Variants in KCNT2 observed in about 807,000 individuals in gnomAD.
KCNT2 encodes potassium channel subfamily T member 2.
In KCNT2, 67 loss-of-function variants were observed where a neutral mutation model predicts 153.8. The observed-to-expected ratio is 0.44, with a 90% CI of 0.36 to 0.53. The LOEUF (loss-of-function observed/expected upper bound fraction) is 0.53, where lower values mean the gene tolerates loss of function less well. KCNT2 is among the 20% of genes least tolerant of loss of function. The pLI is 0.00. For missense variants in KCNT2, 975 were observed against 1,354.8 expected (o/e 0.72, Z 4.40); for synonymous variants, 500 against 458.8 (o/e 1.09, Z -1.15).
intron 1 of KCNT2, among the ~76,000 whole-genome samples, chr1:196,512,024 A>T (rs1681675826): frequency 6.6e-6 from 1 of 152,146 alleles, no homozygotes; most frequent in Admixed American, 6.6e-5. Flanking sequence ...CTCTCCACCT[A>T]ATCAGCAATT....
In KCNT2 at chr1:196,357,555, T is replaced by C. The variant is rs544008388; in HGVS notation, c.1404-15327A>G. Among the ~76,000 whole-genome samples, 3 of 152,052 alleles carry C rather than the reference T, an allele frequency of 2.0e-5. No homozygotes were observed. In the South Asian group the frequency reaches 6.2e-4, roughly 32 times the overall value. On this transcript the variant is annotated intron_variant, in intron 14 of 27. Coordinates refer to ENST00000294725, the MANE Select transcript of KCNT2 (RefSeq NM_198503.5). ...GGTAAATTTTAGGAATCATTGGTTC[T>C]AGCTGTGGTGCAGACATGTGGCCTG...
At chr1:196,268,284 C>T (rs1417478794) in intron 25 of KCNT2, among the ~76,000 whole-genome samples, 1 of 152,144 alleles carries the variant, frequency 6.6e-6, no homozygotes, top group African/African-American at 2.4e-5. Flanking sequence ...ATCAAGGTCA[C>T]ACATGTCTTT....
At chr1:196,566,627 A>C (rs796337853) in intron 1 of KCNT2, among the ~76,000 whole-genome samples, 4 of 152,072 alleles carry the variant, frequency 2.6e-5, no homozygotes, top group Non-Finnish European at 5.9e-5. Context: ...TATGAAAACT[A>C]AATGGAAGTT....
intron 14 of KCNT2, among the ~76,000 whole-genome samples, chr1:196,354,106 TA>T (rs1200390046): frequency 6.6e-6 from 1 of 151,894 alleles, no homozygotes; most frequent in Non-Finnish European, 1.5e-5. Context: ...AAGTAGAATT[TA>T]TTTTTTTTAA....
chr1:196,598,453 A>T (rs547383094), intron 1 of KCNT2, among the ~76,000 whole-genome samples: 1 of 152,308 alleles, frequency 6.6e-6, no homozygotes, highest in African/African-American at 2.4e-5. Context: ...ACCATGCTCT[A>T]CATCTAGAGG....
At chr1:196,275,142 C>T (rs148336674) in intron 25 of KCNT2, among the ~76,000 whole-genome samples, 1 of 151,786 alleles carries the variant, frequency 6.6e-6, no homozygotes, top group East Asian at 1.9e-4. Context: ...ACATTTTATA[C>T]TTTTATATTA....
intron 2 of KCNT2, among the ~76,000 whole-genome samples, chr1:196,491,616 C>T (rs1376007182): frequency 6.6e-6 from 1 of 151,994 alleles, no homozygotes; most frequent in Non-Finnish European, 1.5e-5. Context: ...CAACAAGCAT[C>T]AGCGGCACTC....
chr1:196,462,216 C>A (rs548229736), intron 8 of KCNT2, among the ~76,000 whole-genome samples: 1 of 151,548 alleles, frequency 6.6e-6, no homozygotes, highest in African/African-American at 2.4e-5. Context: ...ATTTACCATG[C>A]CCCTGGTTTT....
At chr1:196,552,084 TC>T (rs1277283198) in intron 1 of KCNT2, among the ~76,000 whole-genome samples, 1 of 151,492 alleles carries the variant, frequency 6.6e-6, no homozygotes, top group Non-Finnish European at 1.5e-5. Flanking sequence ...TTCTCTTCTT[TC>T]AAGTCATCAC....
chr1:196,589,611 C>T (rs1311823450), intron 1 of KCNT2, among the ~76,000 whole-genome samples: 1 of 151,972 alleles, frequency 6.6e-6, no homozygotes, highest in Non-Finnish European at 1.5e-5. Flanking sequence ...TGAATTTCTC[C>T]CTTTCTTATA....
At chr1:196,595,609 C>A (rs1410754678) in intron 1 of KCNT2, among the ~76,000 whole-genome samples, 1 of 152,138 alleles carries the variant, frequency 6.6e-6, no homozygotes, top group Non-Finnish European at 1.5e-5. Context: ...CTTATAATAA[C>A]TAGTACAATG....
intron 1 of KCNT2, among the ~76,000 whole-genome samples, chr1:196,513,323 T>G (rs547193376): frequency 2.4e-4 from 37 of 152,320 alleles, no homozygotes; most frequent in South Asian, 6.2e-4. Flanking sequence ...CATCCAAAGT[T>G]GACAACTATC....
At chr1:196,329,950 CATATATATATATATAT>C (rs71154737) in intron 18 of KCNT2, among the ~76,000 whole-genome samples, 1 of 73,538 alleles carries the variant, frequency 1.4e-5, no homozygotes, top group Non-Finnish European at 2.5e-5. Context: ...TTCCTCAAGA[CATATATATATATATAT>C]ATATATATAT....
chr1:196,416,120 A>G (rs1672734716), intron 12 of KCNT2, among the ~76,000 whole-genome samples: 1 of 151,954 alleles, frequency 6.6e-6, no homozygotes. Flanking sequence ...TTCACACTAT[A>G]TATGCTTCCC....
intron 12 of KCNT2, among the ~76,000 whole-genome samples, chr1:196,419,736 G>A (rs1252398676): frequency 6.6e-6 from 1 of 151,972 alleles, no homozygotes; most frequent in African/African-American, 2.4e-5. Context: ...CATTACTGAT[G>A]AGACATCTGA....
chr1:196,358,248 A>T (rs541731150), intron 14 of KCNT2, among the ~76,000 whole-genome samples: 24 of 151,072 alleles, frequency 1.6e-4, no homozygotes, highest in Non-Finnish European at 2.5e-4. Context: ...TTTTTTTTTT[A>T]AATTTCAGCA....
At chr1:196,457,368 A>T (rs1043417711) in intron 8 of KCNT2, among the ~76,000 whole-genome samples, 1 of 151,864 alleles carries the variant, frequency 6.6e-6, no homozygotes, top group Admixed American at 6.6e-5. Context: ...CATATTATGG[A>T]TAGTAAACTG....
At chr1:196,491,474 C>T (rs748238380) in intron 2 of KCNT2, among the ~76,000 whole-genome samples, 2 of 151,978 alleles carry the variant, frequency 1.3e-5, no homozygotes, top group Non-Finnish European at 2.9e-5. Context: ...TTAAAATTCA[C>T]AGAGCTTAAT....
At chr1:196,316,548 G>C (rs529589974) in intron 20 of KCNT2, among the ~76,000 whole-genome samples, 1 of 151,722 alleles carries the variant, frequency 6.6e-6, no homozygotes, top group Non-Finnish European at 1.5e-5. Flanking sequence ...ATGTGCTATA[G>C]ATTGGTTCTA....
Sources: gnomAD v4.1 joint callset for allele counts (sites outside exome capture counted in the v4.1 genomes callset) on GRCh38, gnomAD v4.1.1 for gene constraint, MANE v1.5 for transcripts, NCBI Gene and HGNC (gene_info 2026-07-23, HGNC 2026-07-21) for gene names.